AAK1: variants seen among roughly 807,000 people sequenced by gnomAD.
AAK1 encodes the protein AP2-associated protein kinase 1.
A neutral mutation model predicts 116.0 loss-of-function variants in AAK1; 37 were observed. The observed-to-expected ratio is 0.32, with a 90% CI of 0.25 to 0.42. AAK1 has a LOEUF of 0.42. Ranked by LOEUF, AAK1 falls within the 10% of genes least tolerant of loss-of-function variation. The pLI, the probability that AAK1 is intolerant of heterozygous loss-of-function variation, is 1.00. For synonymous variants in AAK1, 458 were observed against 439.9 expected (o/e 1.04, Z -0.51); for missense variants, 919 against 1,170.6 (o/e 0.79, Z 3.14).
chr2:69,590,083 A>C (rs1319516105), intron 2 of AAK1, among the ~76,000 whole-genome samples: 1 of 152,226 alleles, frequency 6.6e-6, no homozygotes, highest in Non-Finnish European at 1.5e-5. Context: ...AGACAGGAAG[A>C]TAAGCTGGGA....
At chr2:69,509,199 G>A (rs779433668) in intron 14 of AAK1, 32 bp downstream of exon 14, 4 of 1,599,834 alleles carry the variant, frequency 2.5e-6, no homozygotes, top group Middle Eastern at 1.7e-4. Context: ...TGCCCACAGA[G>A]GTAAGAACAA....
chr2:69,585,337 C>T (rs896265214), intron 2 of AAK1, among the ~76,000 whole-genome samples: 2 of 152,164 alleles, frequency 1.3e-5, no homozygotes, highest in African/African-American at 2.4e-5. Flanking sequence ...ATTGGGACTA[C>T]AGGTGTGAGC....
chr2:69,572,464 C>G (rs1027225113), intron 2 of AAK1, among the ~76,000 whole-genome samples: 7 of 151,650 alleles, frequency 4.6e-5, no homozygotes, highest in Admixed American at 2.0e-4. Context: ...ACTAAAAATA[C>G]AAAAATTAGC....
chr2:69,587,089 C>A (rs1005805510), intron 2 of AAK1, among the ~76,000 whole-genome samples: 2 of 144,824 alleles, frequency 1.4e-5, no homozygotes, highest in Admixed American at 6.9e-5. Context: ...TAAAAAAAAA[C>A]TTTTTTTTTT....
chr2:69,514,869 T>G (rs1259871999), intron 12 of AAK1, 120 bp from the exon 13 acceptor site: 2 of 1,194,244 alleles, frequency 1.7e-6, no homozygotes, highest in East Asian at 5.3e-5. Flanking sequence ...AGTAGAAAAG[T>G]CTTGAGGCTA....
At chr2:69,623,516 T>G (rs1674759915) in intron 2 of AAK1, among the ~76,000 whole-genome samples, 1 of 151,982 alleles carries the variant, frequency 6.6e-6, no homozygotes, top group South Asian at 2.1e-4. Flanking sequence ...TGCCAGCCCC[T>G]CTGAAAAACT....
In AAK1 at chr2:69,558,212, C is replaced by T. The variant is rs114508707; in HGVS notation, c.164-1234G>A. ...ACAAAAATTAGCGAGGCATGGTGGGCGCACACCTATGGCCCAGCTACTTGG... is the reference window on the plus strand; with the variant it reads ...ACAAAAATTAGCGAGGCATGGTGGGTGCACACCTATGGCCCAGCTACTTGG... On this transcript the variant is annotated intron_variant, in intron 2 of 21. Coordinates refer to ENST00000409085, the MANE Select transcript of AAK1 (RefSeq NM_014911.5). Among the ~76,000 whole-genome samples, 756 of 151,902 alleles carry T rather than the reference C, an allele frequency of 5.0e-3. 8 individuals carry two copies. The highest frequency in any genetic ancestry group is 0.017 in the African/African-American group (714 of 41,390).
chr2:69,505,532 C>G lies in AAK1; in HGVS notation c.2269+37G>C, dbSNP rs186988564. ...GTAAAAAACAGTGTGAAGGTAACAA[C>G]AGTGAACCTCCCGTTCCAGGTATTT... On this transcript the variant is annotated intron_variant, in intron 16 of 21. Transcript: ENST00000409085. 2.5e-3 allele frequency: 3,979 copies of G among 1,566,668 alleles called. 42 individuals carry two copies. The highest frequency in any genetic ancestry group is 0.013 in the Admixed American group (762 of 59,362).
intron 2 of AAK1, among the ~76,000 whole-genome samples, chr2:69,570,526 T>C (rs1672052875): frequency 6.6e-6 from 1 of 152,114 alleles, no homozygotes; most frequent in African/African-American, 2.4e-5. Flanking sequence ...TACTTGTTAT[T>C]CCTACCAGTG....
rs750029318 is a variant in AAK1, at chr2:69,560,991, GGA to G, written c.164-4015_164-4014del. Among the ~76,000 whole-genome samples the G allele has an allele frequency of 4.9e-3, 749 of 152,286 alleles. 13 individuals carry two copies. The highest frequency in any genetic ancestry group is 3.3e-3 in the Non-Finnish European group (223 of 68,024). ...AACTCCAGATCATTGTTGCCATGTG[GGA>G]ATATGGACCTGGTTTTGTCGGATCT... is the stretch of plus-strand genomic sequence containing the variant. On this transcript the variant is annotated intron_variant, in intron 2 of 21. Transcript: ENST00000409085.
Position 69,463,135 on chromosome 2 carries a change from T to C in AAK1, c.*12734A>G, listed in dbSNP as rs1674384303. The C allele has an allele frequency of 6.6e-6, 1 of 152,228 alleles. No individual in the cohort carries two copies. The highest frequency in any genetic ancestry group is 6.5e-5 in the Admixed American group (1 of 15,288). The allele number at this position is 152,228 out of a possible 1,614,324, so 9.4% of individuals were successfully genotyped here. ...TCACACCTAATCAACCGCAATAGAATTGGGCATTCAGACTTGATTCTTAGA... is the reference window on the plus strand; with the variant it reads ...TCACACCTAATCAACCGCAATAGAACTGGGCATTCAGACTTGATTCTTAGA... On this transcript the variant is annotated 3_prime_UTR_variant, in exon 22 of 22. Transcript: ENST00000409085.
chr2:69,574,566 T>C (rs775315986), intron 2 of AAK1, among the ~76,000 whole-genome samples: 6 of 146,812 alleles, frequency 4.1e-5, no homozygotes, highest in Non-Finnish European at 6.0e-5. Context: ...CTGGGCAACA[T>C]AGCAAGAGCC....
At position 69,473,764 on chromosome 2, in the gene AAK1, C is replaced by A; in HGVS notation, c.*2105G>T. 1.0e-6 allele frequency: 1 copy of A among 979,246 alleles called. No homozygotes were observed. Among genetic ancestry groups the A allele is most frequent in the South Asian group, 4.7e-5 (1 of 21,136 alleles). The allele number at this position is 979,246 out of a possible 1,614,324, so 60.7% of individuals were successfully genotyped here. A position where few individuals can be genotyped will look rare whatever the true frequency, so the allele number is the denominator to read the frequency against. Reference sequence around the variant, plus strand: ...AAAAATCAAATATGAAAACATAGAACTCAAACATTATTCTTATTTAAAAAT... The same window carrying A: ...AAAAATCAAATATGAAAACATAGAAATCAAACATTATTCTTATTTAAAAAT... On this transcript the variant is annotated 3_prime_UTR_variant, in exon 22 of 22. Transcript: ENST00000409085.
chr2:69,473,464 G>A lies in AAK1; in HGVS notation c.*2405C>T. The A allele has an allele frequency of 1.0e-6, 1 of 985,396 alleles. No homozygotes were observed. Among genetic ancestry groups the A allele is most frequent in the African/African-American group, 1.7e-5 (1 of 57,334 alleles). 61.0% of individuals were successfully genotyped at this position (985,396 alleles called of 1,614,324 possible). Reference sequence around the variant, plus strand: ...ACAGAAAAATAGTTCTCCCCTTTGAGGAGGCCTTACTCTAAATAAGCCCAA... The same window carrying A: ...ACAGAAAAATAGTTCTCCCCTTTGAAGAGGCCTTACTCTAAATAAGCCCAA... On this transcript the variant is annotated 3_prime_UTR_variant, in exon 22 of 22. Transcript: ENST00000409085.
In AAK1 at chr2:69,592,568, T is replaced by C. The variant is rs550707887; in HGVS notation, c.164-35590A>G. Among the ~76,000 whole-genome samples, 233 of 152,150 alleles carry C rather than the reference T, an allele frequency of 1.5e-3. 1 individual carries two copies. The South Asian group carries it at 0.02, about 13-fold the overall frequency. On this transcript the variant is annotated intron_variant, in intron 2 of 21. Coordinates refer to ENST00000409085, the MANE Select transcript of AAK1 (RefSeq NM_014911.5). ...GAGATGGTTTTCTATAAACATAACA[T>C]GAAAAGAGTAACCAAAAATTTGATT... is the stretch of plus-strand genomic sequence containing the variant.
intron 2 of AAK1, among the ~76,000 whole-genome samples, chr2:69,606,277 C>T (rs1410317923): frequency 1.3e-5 from 2 of 152,208 alleles, no homozygotes; most frequent in Non-Finnish European, 2.9e-5. Context: ...CACTTGACCA[C>T]GATCCAATTG....
intron 5 of AAK1, among the ~76,000 whole-genome samples, chr2:69,537,507 C>G (rs145878019): frequency 3.0e-4 from 45 of 152,324 alleles, no homozygotes; most frequent in African/African-American, 1.0e-3. Flanking sequence ...TTCCCTCATC[C>G]TATTAACTTT....
chr2:69,511,844 C>T (rs1036873031), intron 13 of AAK1, among the ~76,000 whole-genome samples: 17 of 152,172 alleles, frequency 1.1e-4, no homozygotes, highest in African/African-American at 3.6e-4. Flanking sequence ...AGATTAGATG[C>T]CTCCTTCAGG....
Position 69,473,073 on chromosome 2 carries a change from T to C in AAK1, c.*2796A>G, listed in dbSNP as rs1674733856. The C allele has an allele frequency of 3.1e-6, 3 of 956,264 alleles. No individual in the cohort carries two copies. The highest frequency in any genetic ancestry group is 9.7e-5 in the South Asian group (2 of 20,646). 59.2% of individuals were successfully genotyped at this position (956,264 alleles called of 1,614,324 possible). On this transcript the variant is annotated 3_prime_UTR_variant, in exon 22 of 22. Coordinates refer to ENST00000409085, the MANE Select transcript of AAK1 (RefSeq NM_014911.5). ...ATATACTTAGGACCCTATACTTCTA[T>C]AATCTTAAAGACCATCTAGTCCAAA...
Sources: gnomAD v4.1 joint callset for allele counts (sites outside exome capture counted in the v4.1 genomes callset) on GRCh38, gnomAD v4.1.1 for gene constraint, MANE v1.5 for transcripts, NCBI Gene and HGNC (gene_info 2026-07-23, HGNC 2026-07-21) for gene names.